ATP2B2: variants seen among roughly 807,000 people sequenced by gnomAD.
ATP2B2 encodes plasma membrane calcium-transporting ATPase 2.
A neutral mutation model predicts 120.0 loss-of-function variants in ATP2B2; 15 were observed. The ratio of observed to expected loss-of-function variants is 0.12; its 90% CI spans 0.08 to 0.19. The LOEUF is 0.19. Ranked by LOEUF, ATP2B2 falls within the 10% of genes least tolerant of loss-of-function variation. The probability of loss-of-function intolerance (pLI) is 1.00; values close to 1 mark genes in which losing one functional copy is unlikely to be tolerated. For missense variants in ATP2B2, 1,045 were observed against 1,719.8 expected (o/e 0.61, Z 6.94); for synonymous variants, 694 against 700.3 (o/e 0.99, Z 0.14).
intron 1 of ATP2B2, among the ~76,000 whole-genome samples, chr3:10,453,588 T>G (rs554504931): frequency 6.6e-6 from 1 of 152,278 alleles, no homozygotes; most frequent in East Asian, 1.9e-4. Flanking sequence ...TTAAATGAAG[T>G]GCCATATGTG....
intron 2 of ATP2B2, among the ~76,000 whole-genome samples, chr3:10,615,491 C>T (rs1055884823): frequency 6.6e-6 from 1 of 152,212 alleles, no homozygotes; most frequent in Non-Finnish European, 1.5e-5. Flanking sequence ...CTTTGCCACA[C>T]TCTCACCTTA....
At chr3:10,566,391 TTTTC>T (rs1195446303) in intron 2 of ATP2B2, 3 of 152,222 alleles carry the variant, frequency 2.0e-5, no homozygotes, top group Admixed American at 6.5e-5. Context: ...ATTTTACTTT[TTTTC>T]TTTATCTTCC....
chr3:10,375,925 C>T lies in ATP2B2; in HGVS notation c.1202-281G>A, dbSNP rs144563447. ...CATGCAAAGTGCCCAGCATAGTGCT[C>T]GGCAATAGTATGTGCTCGACACATA... is the stretch of plus-strand genomic sequence containing the variant. On this transcript the variant is annotated intron_variant, in intron 10 of 22. Coordinates refer to ENST00000360273, the MANE Select transcript of ATP2B2 (RefSeq NM_001001331.4). The surrounding 1 kb of genome is among the most constrained non-coding windows in gnomAD (Gnocchi z 4.2). Among the ~76,000 whole-genome samples the T allele has an allele frequency of 2.6e-4, 39 of 152,240 alleles. No homozygotes were observed. The highest frequency in any genetic ancestry group is 2.3e-3 in the East Asian group (12 of 5,188).
chr3:10,600,781 C>A (rs1272160771), intron 2 of ATP2B2, among the ~76,000 whole-genome samples: 2 of 152,174 alleles, frequency 1.3e-5, no homozygotes, highest in East Asian at 3.9e-4. Context: ...CACCTTGCTT[C>A]CCAGAAAACC....
intron 1 of ATP2B2, among the ~76,000 whole-genome samples, 181 bp downstream of exon 1, chr3:10,505,284 T>G (rs1376531281): frequency 3.3e-5 from 5 of 151,958 alleles, no homozygotes; most frequent in Non-Finnish European, 4.4e-5. Context: ...CAGCCTCGGC[T>G]GCTGCCAGAT....
At chr3:10,410,172 TTTTGGGGAACAGGTGG>T (rs2062559200) in intron 3 of ATP2B2, among the ~76,000 whole-genome samples, 1 of 152,106 alleles carries the variant, frequency 6.6e-6, no homozygotes, top group Non-Finnish European at 1.5e-5. Context: ...TTCCATAGGT[TTTTGGGGAACAGGTGG>T]TACTTAGTTA....
At chr3:10,541,029 G>A (rs1274321084) in intron 2 of ATP2B2, among the ~76,000 whole-genome samples, 1 of 152,012 alleles carries the variant, frequency 6.6e-6, no homozygotes. Context: ...ATTTCTACTA[G>A]GTTGTTAAAT....
At chr3:10,621,663 C>T (rs543742651) in intron 1 of ATP2B2, among the ~76,000 whole-genome samples, 1 of 152,340 alleles carries the variant, frequency 6.6e-6, no homozygotes, top group East Asian at 1.9e-4. Context: ...CAATAGCAAT[C>T]TTACTAATAA....
At chr3:10,463,893 C>T (rs1423970415) in intron 1 of ATP2B2, among the ~76,000 whole-genome samples, 1 of 152,234 alleles carries the variant, frequency 6.6e-6, no homozygotes, top group Non-Finnish European at 1.5e-5. Flanking sequence ...AGCCCTTGGG[C>T]CCAGTCCCAG....
At chr3:10,562,270 G>C (rs182291005) in intron 2 of ATP2B2, among the ~76,000 whole-genome samples, 2 of 152,332 alleles carry the variant, frequency 1.3e-5, no homozygotes, top group East Asian at 3.9e-4. Flanking sequence ...AGGCTGGCAG[G>C]ACATCAAGAG....
intron 1 of ATP2B2, among the ~76,000 whole-genome samples, chr3:10,690,725 G>A (rs1469860940): frequency 6.6e-6 from 1 of 152,164 alleles, no homozygotes; most frequent in Non-Finnish European, 1.5e-5. Flanking sequence ...GAAAAGAAGG[G>A]CAGCAAAATC....
chr3:10,345,545 C>T lies in ATP2B2; in HGVS notation c.2542G>A (p.Ala848Thr). 1 of 1,614,192 alleles carries T rather than the reference C, an allele frequency of 6.2e-7. No individual in the cohort carries two copies. The part of the protein sequence containing the change: ...GIAGTDVAKE[A>T]SDIILTDDNF... ...TCGTCTGTCAGGATGATGTCTGAGG[C>T]CTCCTTGGCCACGTCAGTGCCTGCG... Residue 848 changes from alanine (A) to threonine (T), a missense_variant, in exon 18 of 23, where the codon GCC becomes ACC. Physicochemically the swap from Ala to Thr is moderately conservative, Grantham distance 58. Transcript: ENST00000360273.
At chr3:10,333,782 AC>A (rs1212029373) in intron 22 of ATP2B2, among the ~76,000 whole-genome samples, 1 of 152,132 alleles carries the variant, frequency 6.6e-6, no homozygotes, top group East Asian at 1.9e-4. Context: ...GCCCTGGCCA[AC>A]CCTGCCGGGT....
At chr3:10,621,661 A>G (rs1440059239) in intron 1 of ATP2B2, among the ~76,000 whole-genome samples, 6 of 152,184 alleles carry the variant, frequency 3.9e-5, no homozygotes, top group South Asian at 2.1e-4. Context: ...GACAATAGCA[A>G]TCTTACTAAT....
At chr3:10,354,196 T>C (rs574284380) in intron 14 of ATP2B2, among the ~76,000 whole-genome samples, 1 of 152,278 alleles carries the variant, frequency 6.6e-6, no homozygotes, top group Admixed American at 6.5e-5. Context: ...CTTAAGCTGC[T>C]CTCAGGACTT....
intron 1 of ATP2B2, among the ~76,000 whole-genome samples, chr3:10,630,346 CT>C (rs1296930974): frequency 6.6e-6 from 1 of 152,160 alleles, no homozygotes; most frequent in Non-Finnish European, 1.5e-5. Flanking sequence ...GTCCCAGTGT[CT>C]GTTGTTCCCC....
intron 2 of ATP2B2, among the ~76,000 whole-genome samples, chr3:10,578,048 G>C (rs953321767): frequency 6.6e-6 from 1 of 152,156 alleles, no homozygotes; most frequent in African/African-American, 2.4e-5. Flanking sequence ...CTGTGATCTA[G>C]GCCCTAGATT....
chr3:10,601,831 G>A (rs768263102), intron 2 of ATP2B2, among the ~76,000 whole-genome samples: 3 of 152,230 alleles, frequency 2.0e-5, no homozygotes, highest in Admixed American at 6.5e-5. Context: ...GGGCTGAGGG[G>A]AGCCCCACTA....
intron 3 of ATP2B2, among the ~76,000 whole-genome samples, chr3:10,533,019 G>A (rs982236520): frequency 3.3e-5 from 5 of 152,214 alleles, no homozygotes; most frequent in Admixed American, 3.3e-4. Flanking sequence ...GGACAAGCTT[G>A]TGCAACGTAA....
Sources: gnomAD v4.1 joint callset for allele counts (sites outside exome capture counted in the v4.1 genomes callset) on GRCh38, gnomAD v4.1.1 for gene constraint, Gnocchi (gnomAD v3.1) non-coding constraint, MANE v1.5 for transcripts, NCBI Gene and HGNC (gene_info 2026-07-23, HGNC 2026-07-21) for gene names.